Variants in HSD11B1 observed in about 807,000 individuals in gnomAD.
HSD11B1 encodes hydroxysteroid 11-beta dehydrogenase 1, also known as 11-beta-hydroxysteroid dehydrogenase 1.
HSD11B1 carries 15 observed loss-of-function variants against 22.1 expected under a neutral mutation model. The observed-to-expected ratio is 0.68, with a 90% CI of 0.45 to 1.04. The LOEUF (loss-of-function observed/expected upper bound fraction) is 1.04. Ranked by LOEUF, HSD11B1 falls within the 50% of genes least tolerant of loss-of-function variation. The pLI, the probability that HSD11B1 is intolerant of heterozygous loss-of-function variation, is 0.00. For missense variants in HSD11B1, 281 were observed against 357.6 expected (o/e 0.79, Z 1.73); for synonymous variants, 122 against 125.2 (o/e 0.97, Z 0.17).
At chr1:209,699,593 T>C (rs1385513432) in intron 1 of HSD11B1, among the ~76,000 whole-genome samples, 13 of 152,044 alleles carry the variant, frequency 8.6e-5, no homozygotes, top group Admixed American at 8.5e-4. Flanking sequence ...AGTCAAACCA[T>C]ATCATTCCAC....
chr1:209,729,394 A>ACACACACACACAC (rs1558200092), intron 4 of HSD11B1, among the ~76,000 whole-genome samples: 1 of 151,590 alleles, frequency 6.6e-6, no homozygotes, highest in Non-Finnish European at 1.5e-5. Context: ...ACACACACAC[A>ACACACACACACAC]AGTAAGTTAA....
chr1:209,691,117 T>C (rs1036875457), intron 1 of HSD11B1, among the ~76,000 whole-genome samples: 1 of 152,120 alleles, frequency 6.6e-6, no homozygotes, highest in African/African-American at 2.4e-5. Context: ...TGAACAGCAG[T>C]TGGACCTCTC....
At chr1:209,707,194 CTCTGAAGTAGACATAA>C in intron 4 of HSD11B1, 66 bp downstream of exon 4, 1 of 1,308,546 alleles carries the variant, frequency 7.6e-7, no homozygotes, top group Non-Finnish European at 1.1e-6. Context: ...TGATGCCAGG[CTCTGAAGTAGACATAA>C]ATTTTTATCA....
intron 4 of HSD11B1, among the ~76,000 whole-genome samples, chr1:209,728,529 T>C (rs2077016988): frequency 6.6e-6 from 1 of 152,238 alleles, no homozygotes; most frequent in Non-Finnish European, 1.5e-5. Flanking sequence ...ATACTTTTAA[T>C]TATTATGCTA....
At chr1:209,696,109 C>T (rs1321362330) in intron 1 of HSD11B1, among the ~76,000 whole-genome samples, 2 of 152,200 alleles carry the variant, frequency 1.3e-5, no homozygotes, top group Non-Finnish European at 2.9e-5. Flanking sequence ...CAAAAGATTA[C>T]ACGTTGTGTA....
chr1:209,723,550 A>T (rs2076981513), intron 4 of HSD11B1, among the ~76,000 whole-genome samples: 1 of 152,168 alleles, frequency 6.6e-6, no homozygotes, highest in Non-Finnish European at 1.5e-5. Context: ...GTTAATAAAA[A>T]ATCCTATGGC....
chr1:209,712,366 T>C (rs2076903194), intron 4 of HSD11B1, among the ~76,000 whole-genome samples: 2 of 152,188 alleles, frequency 1.3e-5, no homozygotes, highest in Non-Finnish European at 2.9e-5. Flanking sequence ...GGGAAATAAA[T>C]TAACAGAGTT....
At position 209,712,926 on chromosome 1, in the gene HSD11B1, G is replaced by A. The variant is rs139729262; in HGVS notation, c.517+5798G>A. On this transcript the variant is annotated intron_variant, in intron 4 of 5. Transcript: ENST00000367027. ...TAGCCGGGCGAGGTGGTGGGTGCCT[G>A]TAGTCCCAGCTACTTGGGAGGCTGA... Among the ~76,000 whole-genome samples the A allele has an allele frequency of 4.2e-3, 641 of 152,246 alleles. 4 individuals are homozygous for A. Among genetic ancestry groups the A allele is most frequent in the African/African-American group, 0.014 (601 of 41,536 alleles).
intron 4 of HSD11B1, among the ~76,000 whole-genome samples, chr1:209,724,889 C>G (rs1182750544): frequency 6.6e-6 from 1 of 151,912 alleles, no homozygotes; most frequent in Non-Finnish European, 1.5e-5. Context: ...AATATATGTT[C>G]CAGCTTTCCT....
In HSD11B1 at chr1:209,734,755, G is replaced by A. The variant is rs6752; in HGVS notation, c.*234G>A. ...GTTGTAAAATTGTTAGTAAACATAG[G>A]TATAATTACCAGATAGTTATATTAA... On this transcript the variant is annotated 3_prime_UTR_variant, in exon 6 of 6. Coordinates refer to ENST00000367027, the MANE Select transcript of HSD11B1 (RefSeq NM_005525.4). 80,123 of 396,906 alleles carry A rather than the reference G, an allele frequency of 0.2. 8,290 individuals are homozygous for A. The highest frequency in any genetic ancestry group is 0.21 in the Non-Finnish European group (44,591 of 215,998). The allele number at this position is 396,906 out of a possible 1,614,324, so 24.6% of individuals were successfully genotyped here. A position where few individuals can be genotyped will look rare whatever the true frequency, so the allele number is the denominator to read the frequency against.
intron 4 of HSD11B1, among the ~76,000 whole-genome samples, chr1:209,708,464 G>A (rs183183012): frequency 6.6e-6 from 1 of 152,300 alleles, no homozygotes; most frequent in Non-Finnish European, 1.5e-5. Flanking sequence ...CCGCCAAACA[G>A]TGTGATTGAT....
intron 1 of HSD11B1, among the ~76,000 whole-genome samples, chr1:209,696,788 G>C (rs1033552119): frequency 3.9e-5 from 6 of 152,180 alleles, no homozygotes; most frequent in Non-Finnish European, 5.9e-5. Context: ...GAGAAAAAAA[G>C]CATGGTAGAA....
chr1:209,706,081 C>T lies in HSD11B1; in HGVS notation c.219+140C>T. 9.1e-7 allele frequency: 1 copy of T among 1,094,578 alleles called. No individual in the cohort carries two copies. The highest frequency in any genetic ancestry group is 1.3e-5 in the South Asian group (1 of 75,220). The allele number at this position is 1,094,578 out of a possible 1,614,324, so 67.8% of individuals were successfully genotyped here. A position where few individuals can be genotyped will look rare whatever the true frequency, so the allele number is the denominator to read the frequency against. On this transcript the variant is annotated intron_variant, in intron 2 of 5. Transcript: ENST00000367027. This position sits in a 1 kb window ranked among gnomAD's most constrained non-coding sequence, Gnocchi z 4.0. The stretch of plus-strand genomic sequence containing the variant: ...GCACACACACAGACACTTAATTTTG[C>T]ACTCTCATATATAGATTCAAACACC...
At chr1:209,710,274 C>T (rs1176233630) in intron 4 of HSD11B1, among the ~76,000 whole-genome samples, 1 of 152,162 alleles carries the variant, frequency 6.6e-6, no homozygotes, top group African/African-American at 2.4e-5. Flanking sequence ...GGCTCCTGGG[C>T]TTGGTGAATC....
intron 1 of HSD11B1, among the ~76,000 whole-genome samples, chr1:209,698,000 G>A (rs954194449): frequency 6.9e-6 from 1 of 144,108 alleles, no homozygotes; most frequent in Non-Finnish European, 1.5e-5. Context: ...CAGTGGCTGG[G>A]ATTACAGCCA....
chr1:209,689,045 T>A (rs2076744180), intron 1 of HSD11B1, among the ~76,000 whole-genome samples: 2 of 152,124 alleles, frequency 1.3e-5, no homozygotes, highest in Non-Finnish European at 2.9e-5. Context: ...GAAGGAAAGT[T>A]TATTTTCTGG....
intron 4 of HSD11B1, among the ~76,000 whole-genome samples, chr1:209,729,263 G>A (rs906729832): frequency 1.3e-5 from 2 of 151,824 alleles, no homozygotes; most frequent in African/African-American, 4.8e-5. Context: ...GGAGGTTGAG[G>A]CAGAAGAATC....
In HSD11B1 at chr1:209,706,784, G is replaced by A. The variant is rs200402963; in HGVS notation, c.295G>A (p.Ala99Thr). ...TGGCACCATGGAAGACATGACCTTCGCAGAGCAATTTGTTGCCCAAGCAGG... is the reference window on the plus strand; with the variant it reads ...TGGCACCATGGAAGACATGACCTTCACAGAGCAATTTGTTGCCCAAGCAGG... ...IAGTMEDMTFAEQFVAQAGKL... is the reference protein window; with the variant it reads ...IAGTMEDMTFTEQFVAQAGKL... The change falls in exon 3 of 6, where the codon GCA becomes ACA. Residue 99 changes from alanine (A) to threonine (T), a missense_variant. Coordinates refer to ENST00000367027, the MANE Select transcript of HSD11B1 (RefSeq NM_005525.4). This position sits in a 1 kb window ranked among gnomAD's most constrained non-coding sequence, Gnocchi z 4.0. The A allele has an allele frequency of 1.1e-5, 18 of 1,613,940 alleles. No homozygotes were observed. Among genetic ancestry groups the A allele is most frequent in the African/African-American group, 4.0e-5 (3 of 74,910 alleles).
At chr1:209,699,099 A>G (rs2076810838) in intron 1 of HSD11B1, among the ~76,000 whole-genome samples, 1 of 152,166 alleles carries the variant, frequency 6.6e-6, no homozygotes, top group Admixed American at 6.5e-5. Flanking sequence ...CACATGAGGG[A>G]GGAGAACAGG....
Sources: gnomAD v4.1 joint callset for allele counts (sites outside exome capture counted in the v4.1 genomes callset) on GRCh38, gnomAD v4.1.1 for gene constraint, Gnocchi (gnomAD v3.1) non-coding constraint, MANE v1.5 for transcripts, NCBI Gene and HGNC (gene_info 2026-07-23, HGNC 2026-07-21) for gene names.